CDK10: variants seen among roughly 807,000 people sequenced by gnomAD.
The protein encoded by CDK10 is cyclin-dependent kinase 10.
A neutral mutation model predicts 51.0 loss-of-function variants in CDK10; 55 were observed. The ratio of observed to expected loss-of-function variants is 1.08; its 90% CI spans 0.87 to 1.35. The LOEUF is 1.35. Ranked by LOEUF, CDK10 falls within the 40% of genes most tolerant of loss-of-function variation. CDK10 has a pLI of 0.00. For missense variants in CDK10, 589 were observed against 485.1 expected (o/e 1.21, Z -2.01); for synonymous variants, 255 against 199.1 (o/e 1.28, Z -2.36).
intron 9 of CDK10, 128 bp from the exon 10 acceptor site, chr16:89,694,537 T>G (rs1283437155): frequency 5.4e-6 from 8 of 1,487,760 alleles, no homozygotes; most frequent in Non-Finnish European, 7.2e-6. Flanking sequence ...TCCTTCACAG[T>G]GTCCCTGACC....
chr16:89,694,477 AC>A (rs1168003565), intron 9 of CDK10, 187 bp from the exon 10 acceptor site: 3 of 1,072,154 alleles, frequency 2.8e-6, no homozygotes, highest in African/African-American at 3.1e-5. Context: ...TGCACTTGTC[AC>A]CCCGGGAGGC....
Position 89,695,854 on chromosome 16 carries a change from C to G in CDK10, c.*162C>G, listed in dbSNP as rs2060701131. 4 of 1,486,238 alleles carry G rather than the reference C, an allele frequency of 2.7e-6. No homozygotes were observed. Among genetic ancestry groups the G allele is most frequent in the Middle Eastern group, 1.7e-4 (1 of 5,814 alleles). 92.1% of individuals were successfully genotyped at this position (1,486,238 alleles called of 1,614,324 possible). A position where few individuals can be genotyped will look rare whatever the true frequency, so the allele number is the denominator to read the frequency against. ...TTCCTCCCACTGTCTGCCCTGAACCCACTGCTGCCCCCAGAAAAAGGCCGG... is the reference window on the plus strand; with the variant it reads ...TTCCTCCCACTGTCTGCCCTGAACCGACTGCTGCCCCCAGAAAAAGGCCGG... On this transcript the variant is annotated 3_prime_UTR_variant, in exon 13 of 13. Coordinates refer to ENST00000353379, the MANE Select transcript of CDK10 (RefSeq NM_052988.5).
rs974137001 is a variant in CDK10, at chr16:89,695,952, G to A, written c.*260G>A. The A allele has an allele frequency of 1.2e-5, 8 of 653,080 alleles. No homozygotes were observed. The highest frequency in any genetic ancestry group is 2.5e-5 in the Admixed American group (1 of 39,682). The allele number at this position is 653,080 out of a possible 1,614,324, so 40.5% of individuals were successfully genotyped here. On this transcript the variant is annotated 3_prime_UTR_variant, in exon 13 of 13. Transcript: ENST00000353379. ...GGCGGCTCCATCCGTGGCTGCAGGG[G>A]TCTCATGTGGTCCTCCTCGCTATGT...
chr16:89,694,418 C>A (rs1299581505), intron 9 of CDK10, 186 bp downstream of exon 9: 2 of 842,830 alleles, frequency 2.4e-6, no homozygotes, highest in Non-Finnish European at 3.8e-6. Flanking sequence ...ACTTAGCTTG[C>A]TGTTCTCAGG....
chr16:89,694,569 G>A (rs1160651660), intron 9 of CDK10, 96 bp from the exon 10 acceptor site: 5 of 1,534,944 alleles, frequency 3.3e-6, no homozygotes, highest in Middle Eastern at 3.5e-4. Flanking sequence ...ACACTGGCAG[G>A]GTCAGCAAAG....
At chr16:89,690,234 C>T in intron 2 of CDK10, 1 of 388,056 alleles carries the variant, frequency 2.6e-6, no homozygotes, top group East Asian at 4.5e-5. Context: ...TAGGACATTA[C>T]AAGAGAGCAC....
intron 5 of CDK10, chr16:89,692,125 G>A (rs2060479796): frequency 3.5e-6 from 2 of 577,144 alleles, no homozygotes; most frequent in Admixed American, 3.2e-5. Context: ...GCTGTTGGGA[G>A]CAGGCAGCCC....
chr16:89,695,333 G>A lies in CDK10; in HGVS notation c.973G>A (p.Glu325Lys). ...CTGCCTGGAGAGCTCCTATTTCAAG[G>A]AGAAGCCCCTACGTGAGTGTGCAGG... ...GDCLESSYFK[E>K]KPLPCEPELM... Residue 325 changes from glutamate (E) to lysine (K), a missense_variant, in exon 12 of 13, where the codon GAG becomes AAG. Glu to Lys is a moderately conservative substitution (Grantham distance 56). Coordinates refer to ENST00000353379, the MANE Select transcript of CDK10 (RefSeq NM_052988.5). The A allele has an allele frequency of 6.2e-7, 1 of 1,612,536 alleles. No homozygotes were observed. Among genetic ancestry groups the A allele is most frequent in the Non-Finnish European group, 8.5e-7 (1 of 1,179,082 alleles).
At chr16:89,687,053 C>T (rs1275113136) in intron 1 of CDK10, 1 of 398,352 alleles carries the variant, frequency 2.5e-6, no homozygotes, top group Non-Finnish European at 4.4e-6. Context: ...GGGCCCGGGA[C>T]TTGGGAAGAG....
chr16:89,692,574 G>C (rs1019189731), intron 6 of CDK10, 58 bp downstream of exon 6: 1 of 1,323,398 alleles, frequency 7.6e-7, no homozygotes, highest in African/African-American at 1.5e-5. Context: ...TAACTCTGCT[G>C]CCCCTGTGGA....
intron 9 of CDK10, 58 bp from the exon 10 acceptor site, chr16:89,694,607 C>A: frequency 6.4e-7 from 1 of 1,553,962 alleles, no homozygotes; most frequent in East Asian, 2.4e-5. Context: ...TCCTCTGTTC[C>A]TCGCGCTGGC....
At chr16:89,695,539 C>T (rs1053869482) in intron 12 of CDK10, 56 bp from the exon 13 acceptor site, 13 of 1,559,440 alleles carry the variant, frequency 8.3e-6, no homozygotes, top group South Asian at 1.2e-5. Context: ...AGACCTGGGC[C>T]TGCTCCTCCT....
intron 1 of CDK10, among the ~76,000 whole-genome samples, chr16:89,688,152 G>A (rs3764256): frequency 0.13 from 19,289 of 146,986 alleles, 1,553 homozygotes; most frequent in East Asian, 0.3. Context: ...CGCAGTCTCG[G>A]CTCACTGCAA....
Position 89,696,069 on chromosome 16 carries a change from A to G in CDK10, c.*377A>G. The G allele has an allele frequency of 1.8e-6, 1 of 549,042 alleles. No individual in the cohort carries two copies. 34.0% of individuals were successfully genotyped at this position (549,042 alleles called of 1,614,324 possible). On this transcript the variant is annotated 3_prime_UTR_variant, in exon 13 of 13. Transcript: ENST00000353379. ...GTGGTGGACGCTGGCCTGGGATGAG[A>G]GGGCCCAGAAGACCTTCGTATCCCC...
In CDK10 at chr16:89,689,223, T is replaced by C. The variant is rs776056823; in HGVS notation, c.88-29T>C. 11 of 1,611,338 alleles carry C rather than the reference T, an allele frequency of 6.8e-6. No individual in the cohort carries two copies. In the South Asian group the frequency reaches 9.9e-5, roughly 14 times the overall value. On this transcript the variant is annotated intron_variant, in intron 1 of 12. Transcript: ENST00000353379. ...CAGTTGTTCCATCAGCTGCCAAATT[T>C]CCACACTGGCAACACCCTTCTGTTT...
At chr16:89,687,341 G>C in intron 1 of CDK10, 1 of 402,326 alleles carries the variant, frequency 2.5e-6, no homozygotes. Context: ...CCAGGTGCAC[G>C]GCTGGTGGGG....
At chr16:89,694,393 G>A (rs925854498) in intron 9 of CDK10, 161 bp downstream of exon 9, 1 of 894,862 alleles carries the variant, frequency 1.1e-6, no homozygotes, top group African/African-American at 1.7e-5. Flanking sequence ...TGGAAACCCA[G>A]GAGGAGGTGT....
At position 89,692,469 on chromosome 16, in the gene CDK10, G is replaced by C; in HGVS notation, c.438G>C (p.Gln146His). The C allele has an allele frequency of 1.9e-6, 3 of 1,597,024 alleles. No homozygotes were observed. In the South Asian group the frequency reaches 3.4e-5, roughly 18 times the overall value. Residue 146 changes from glutamine to histidine, a missense_variant, in exon 6 of 13, where the codon CAG (glutamine) becomes CAC (histidine). Transcript: ENST00000353379. ...CACAGGTCAAGTGCATCGTGCTGCA[G>C]GTGCTCCGGGGCCTCCAGTATCTGC... ...SEAQVKCIVL[Q>H]VLRGLQYLHR...
intron 5 of CDK10, chr16:89,692,210 T>A: frequency 1.9e-6 from 1 of 532,326 alleles, no homozygotes; most frequent in East Asian, 3.3e-5. Context: ...GAGAGCCTTC[T>A]GAGGGCACTG....
Sources: allele counts gnomAD v4.1 joint callset (sites outside exome capture counted in the v4.1 genomes callset), GRCh38; gene constraint gnomAD v4.1.1; transcripts MANE v1.5; gene names NCBI Gene and HGNC (gene_info 2026-07-23, HGNC 2026-07-21).